Variants in SPIDR observed in about 807,000 individuals in gnomAD.
SPIDR encodes the protein scaffold protein involved in DNA repair.
Under a neutral mutation model 104.6 loss-of-function variants are expected in SPIDR, and 93 were observed. The ratio of observed to expected loss-of-function variants is 0.89; its 90% confidence interval spans 0.75 to 1.06. SPIDR has a LOEUF of 1.06. Ranked by LOEUF, SPIDR falls within the 50% of genes least tolerant of loss-of-function variation. The pLI, the probability that SPIDR is intolerant of heterozygous loss-of-function variation, is 0.00. For missense variants in SPIDR, 1,154 were observed against 1,111.2 expected (o/e 1.04, Z -0.55); for synonymous variants, 431 against 416.9 (o/e 1.03, Z -0.41).
At position 47,344,343 on chromosome 8, in the gene SPIDR, C is replaced by G. The variant is rs1196988796; in HGVS notation, c.525+50313C>G. Among the ~76,000 whole-genome samples the G allele has an allele frequency of 2.0e-5, 3 of 152,106 alleles. No individual in the cohort carries two copies. In the East Asian group the frequency reaches 5.8e-4, roughly 29 times the overall value. On this transcript the variant is annotated intron_variant, in intron 5 of 19. Coordinates refer to ENST00000297423, the MANE Select transcript of SPIDR (RefSeq NM_001080394.4). ...ATGGTATTCCATGGTGTATATGTGC[C>G]ACATTTTCTTAATCCAGTCTATCAT... is the stretch of plus-strand genomic sequence containing the variant.
At chr8:47,509,573 TC>T (rs1401657698) in intron 8 of SPIDR, among the ~76,000 whole-genome samples, 1 of 152,186 alleles carries the variant, frequency 6.6e-6, no homozygotes, top group Non-Finnish European at 1.5e-5. Flanking sequence ...ACCTTGGATA[TC>T]TTTCTCTAGT....
chr8:47,641,169 A>T (rs192586682), intron 10 of SPIDR, among the ~76,000 whole-genome samples: 2 of 152,030 alleles, frequency 1.3e-5, no homozygotes, highest in Admixed American at 1.3e-4. Context: ...TTTTTAATTT[A>T]ATTTTATTTA....
At chr8:47,694,710 C>G (rs969743973) in intron 11 of SPIDR, among the ~76,000 whole-genome samples, 18 of 152,130 alleles carry the variant, frequency 1.2e-4, no homozygotes, top group Admixed American at 1.2e-3. Context: ...GGTCACACCA[C>G]TGCACTCCAG....
intron 1 of SPIDR, among the ~76,000 whole-genome samples, chr8:47,272,859 C>T (rs1218855665): frequency 1.3e-5 from 2 of 152,086 alleles, no homozygotes; most frequent in Non-Finnish European, 2.9e-5. Flanking sequence ...TTCTTAATGG[C>T]TTCTTTAGGT....
intron 11 of SPIDR, among the ~76,000 whole-genome samples, chr8:47,694,131 A>C (rs1438704159): frequency 6.6e-6 from 1 of 152,252 alleles, no homozygotes; most frequent in African/African-American, 2.4e-5. Context: ...ATTATTTATA[A>C]ATAACCCACA....
chr8:47,309,181 C>G (rs886996614), intron 5 of SPIDR, among the ~76,000 whole-genome samples: 2 of 152,070 alleles, frequency 1.3e-5, no homozygotes, highest in African/African-American at 2.4e-5. Context: ...AAATTTAGTG[C>G]TTGTAAAGGG....
intron 8 of SPIDR, among the ~76,000 whole-genome samples, chr8:47,466,887 GA>G (rs148299700): frequency 0.1 from 5,009 of 48,378 alleles, 156 homozygotes; most frequent in African/African-American, 0.15. Context: ...AGTTTTTTTT[GA>G]AAAAAAAAAA....
At chr8:47,348,308 G>A (rs971599898) in intron 5 of SPIDR, among the ~76,000 whole-genome samples, 5 of 152,134 alleles carry the variant, frequency 3.3e-5, no homozygotes, top group African/African-American at 7.2e-5. Flanking sequence ...AGTGTCTGCC[G>A]AGATATCCTC....
chr8:47,281,230 G>T (rs2037715190), intron 2 of SPIDR, among the ~76,000 whole-genome samples: 1 of 152,136 alleles, frequency 6.6e-6, no homozygotes, highest in Non-Finnish European at 1.5e-5. Flanking sequence ...CTTTTTGCTG[G>T]GGGAGAGTCT....
At chr8:47,394,196 G>A (rs2060980325) in intron 5 of SPIDR, among the ~76,000 whole-genome samples, 1 of 152,020 alleles carries the variant, frequency 6.6e-6, no homozygotes, top group Admixed American at 6.6e-5. Context: ...CACCCAGCCA[G>A]AAACAGACCT....
At position 47,291,013 on chromosome 8, in the gene SPIDR, GCTTT is replaced by G; in HGVS notation, c.257-15_257-12del. 1 of 1,577,988 alleles carries G rather than the reference GCTTT, an allele frequency of 6.3e-7. No individual in the cohort carries two copies. Among genetic ancestry groups the G allele is most frequent in the Admixed American group, 1.7e-5 (1 of 58,108 alleles). The stretch of plus-strand genomic sequence containing the variant: ...CCATATAAGGAGATCATATTTATGT[GCTTT>G]CTTTTCCTTCAACAGAAACCACCAC... On this transcript the variant is annotated splice_polypyrimidine_tract_variant and intron_variant, in intron 3 of 19. Coordinates refer to ENST00000297423, the MANE Select transcript of SPIDR (RefSeq NM_001080394.4).
rs182330540 is a variant in SPIDR, at chr8:47,604,953, G to A, written c.1544+5757G>A. On this transcript the variant is annotated intron_variant, in intron 10 of 19. Coordinates refer to ENST00000297423, the MANE Select transcript of SPIDR (RefSeq NM_001080394.4). The stretch of plus-strand genomic sequence containing the variant: ...TTGTATGTACATTCATTTTGTTTGC[G>A]GGTGTCAGCAGGTTATATTTGTTTA... Among the ~76,000 whole-genome samples the A allele has an allele frequency of 6.6e-3, 1,000 of 152,274 alleles. 8 individuals are homozygous for A. Among genetic ancestry groups the A allele is most frequent in the Non-Finnish European group, 0.011 (754 of 68,032 alleles).
At chr8:47,702,372 T>C (rs2154484071) in intron 14 of SPIDR, among the ~76,000 whole-genome samples, 2 of 152,224 alleles carry the variant, frequency 1.3e-5, no homozygotes, top group South Asian at 4.1e-4. Flanking sequence ...TTCCCGACAC[T>C]TAGGCAGGTT....
chr8:47,460,352 A>G (rs1384854049), intron 8 of SPIDR, among the ~76,000 whole-genome samples: 2 of 152,048 alleles, frequency 1.3e-5, no homozygotes, highest in Non-Finnish European at 2.9e-5. Context: ...GGATTGTGAT[A>G]TTTTCGTTTT....
chr8:47,326,342 C>A, intron 5 of SPIDR, among the ~76,000 whole-genome samples: 1 of 152,146 alleles, frequency 6.6e-6, no homozygotes, highest in Non-Finnish European at 1.5e-5. Context: ...GAAAATGCAA[C>A]TCTTTTCTTT....
intron 8 of SPIDR, among the ~76,000 whole-genome samples, chr8:47,589,227 A>G (rs1345146829): frequency 6.6e-6 from 1 of 151,924 alleles, no homozygotes; most frequent in Non-Finnish European, 1.5e-5. Context: ...GGAGTTTTAA[A>G]ATTACAAATT....
chr8:47,593,418 G>C (rs1318458139), intron 8 of SPIDR, among the ~76,000 whole-genome samples: 1 of 151,740 alleles, frequency 6.6e-6, no homozygotes, highest in Non-Finnish European at 1.5e-5. Flanking sequence ...AGTGCGTCAA[G>C]GTTGCTTATT....
At chr8:47,294,830 G>C (rs1292928868) in intron 5 of SPIDR, among the ~76,000 whole-genome samples, 3 of 152,020 alleles carry the variant, frequency 2.0e-5, no homozygotes, top group African/African-American at 4.8e-5. Flanking sequence ...ACTCTTTTCT[G>C]CATGTATGTG....
At chr8:47,339,915 G>A (rs1554612626) in intron 5 of SPIDR, among the ~76,000 whole-genome samples, 2 of 151,844 alleles carry the variant, frequency 1.3e-5, no homozygotes, top group South Asian at 2.1e-4. Context: ...TCATGACCTC[G>A]TGATCCACCT....
Sources: gnomAD v4.1 joint callset for allele counts (sites outside exome capture counted in the v4.1 genomes callset) on GRCh38, gnomAD v4.1.1 for gene constraint, MANE v1.5 for transcripts, NCBI Gene and HGNC (gene_info 2026-07-23, HGNC 2026-07-21) for gene names.